Variants in SLC6A16 observed in about 807,000 individuals in gnomAD.
The protein encoded by SLC6A16 is orphan sodium- and chloride-dependent neurotransmitter transporter NTT5.
In SLC6A16, 54 loss-of-function variants were observed where a neutral mutation model predicts 65.4. That is an observed-to-expected ratio of 0.83 (90% CI 0.66 to 1.04). The LOEUF is 1.04. Among genes scored for constraint, SLC6A16 ranks in the 50% least tolerant of loss-of-function variants. The pLI is 0.00. For missense variants in SLC6A16, 816 were observed against 914.0 expected (o/e 0.89, Z 1.38); for synonymous variants, 330 against 346.5 (o/e 0.95, Z 0.53).
At chr19:49,337,906 C>T in the SLC6A16 span, 153 of 1,613,696 alleles carry the variant, frequency 9.5e-5, no homozygotes, top group Non-Finnish European at 1.2e-4. Context: ...AAGGCCCAGC[C>T]TCACTGGTGG....
At chr19:49,340,288 A>G in the SLC6A16 span, 1 of 1,613,366 alleles carries the variant, frequency 6.2e-7, no homozygotes, top group Non-Finnish European at 8.5e-7. Context: ...CTGTGCAGAA[A>G]CCTGGACCAC....
intron 1 of SLC6A16, among the ~76,000 whole-genome samples, chr19:49,324,004 T>C (rs1406668738): frequency 6.6e-6 from 1 of 152,068 alleles, no homozygotes; most frequent in Non-Finnish European, 1.5e-5. Flanking sequence ...GACTCCAGCC[T>C]GGGAGACAGA....
intron 11 of SLC6A16, 75 bp downstream of exon 11, chr19:49,290,530 G>T (rs537197356): frequency 4.9e-5 from 78 of 1,578,036 alleles, no homozygotes; most frequent in Non-Finnish European, 6.5e-5. Context: ...AGATGACTGG[G>T]TTCTTTCACC....
At chr19:49,331,402 G>A in the SLC6A16 span, among the ~76,000 whole-genome samples, 8 of 151,982 alleles carry the variant, frequency 5.3e-5, no homozygotes, top group African/African-American at 1.2e-4. Context: ...GGCTGGTCTC[G>A]AACTCCTGGG....
chr19:49,301,952 G>A (rs561184116), intron 7 of SLC6A16, among the ~76,000 whole-genome samples: 7 of 152,130 alleles, frequency 4.6e-5, no homozygotes, highest in Non-Finnish European at 8.8e-5. Context: ...CCAGCATCAC[G>A]TTTGCACCCT....
chr19:49,337,050 T>G, the SLC6A16 span: 1 of 1,613,050 alleles, frequency 6.2e-7, no homozygotes, highest in Admixed American at 1.7e-5. Flanking sequence ...GCACCATCCC[T>G]CTCCGTCCCT....
the SLC6A16 span, chr19:49,331,878 G>A: frequency 2.2e-6 from 1 of 455,532 alleles, no homozygotes; most frequent in African/African-American, 2.0e-5. Context: ...GCTGCAGTGA[G>A]CCGTGATTGC....
intron 7 of SLC6A16, among the ~76,000 whole-genome samples, chr19:49,298,709 A>G (rs1196773022): frequency 1.3e-5 from 2 of 152,210 alleles, no homozygotes; most frequent in African/African-American, 4.8e-5. Flanking sequence ...CAGGGTCTAT[A>G]TACCCAAAGG....
In SLC6A16 at chr19:49,310,435, C is replaced by A. The variant is rs1970496171; in HGVS notation, c.491G>T (p.Gly164Val). The A allele has an allele frequency of 6.2e-7, 1 of 1,614,012 alleles. No individual in the cohort carries two copies. Among genetic ancestry groups the A allele is most frequent in the Non-Finnish European group, 8.5e-7 (1 of 1,180,014 alleles). ...CATGCCACCCTGACGCATGCTCTGA[C>A]CAGCTGCCATCTCCAGGAAGAGAAG... ...VPLLFLEMAA[G>V]QSMRQGGMGV... The change falls in exon 3 of 12, where the codon GGT (glycine) becomes GTT (valine). Residue 164 changes from glycine (G) to valine (V), a missense_variant. Transcript: ENST00000335875.
At chr19:49,328,159 G>T (rs1600661116), upstream of SLC6A16, among the ~76,000 whole-genome samples, 2 of 152,152 alleles carry the variant, frequency 1.3e-5, no homozygotes, top group South Asian at 4.1e-4. Flanking sequence ...CTCAAGACTG[G>T]GTAATTTACG....
the SLC6A16 span, chr19:49,338,171 C>T: frequency 7.6e-6 from 11 of 1,451,818 alleles, no homozygotes; most frequent in Non-Finnish European, 9.1e-6. The surrounding 1 kb of genome is among the most constrained non-coding windows in gnomAD (Gnocchi z 5.0). Flanking sequence ...ACGCTCCCCA[C>T]TCCCCAGATG....
At chr19:49,303,979 A>C (rs967235752) in intron 7 of SLC6A16, among the ~76,000 whole-genome samples, 6 of 152,204 alleles carry the variant, frequency 3.9e-5, no homozygotes, top group Admixed American at 1.3e-4. Context: ...TACCCCCTTC[A>C]AATGTCCCTT....
chr19:49,297,021 A>G (rs184174340), intron 7 of SLC6A16, among the ~76,000 whole-genome samples: 58 of 152,230 alleles, frequency 3.8e-4, no homozygotes, highest in Non-Finnish European at 7.5e-4. Context: ...ACTTTGAGGT[A>G]AACAGAACTG....
chr19:49,311,903 G>A lies in SLC6A16; in HGVS notation c.-64-492C>T, dbSNP rs17402536. Among the ~76,000 whole-genome samples the A allele has an allele frequency of 8.5e-3, 1,278 of 149,768 alleles. 18 individuals are homozygous for A. The highest frequency in any genetic ancestry group is 0.029 in the African/African-American group (1,193 of 40,872). On this transcript the variant is annotated intron_variant, in intron 1 of 11. Coordinates refer to ENST00000335875, the MANE Select transcript of SLC6A16 (RefSeq NM_014037.3). ...TTTTCTTGTACAGGATAGGGATAGAGACAGACATACCCAAGAGTCAGGAAT... is the reference window on the plus strand; with the variant it reads ...TTTTCTTGTACAGGATAGGGATAGAAACAGACATACCCAAGAGTCAGGAAT...
the SLC6A16 span, chr19:49,337,197 C>G: frequency 6.2e-7 from 1 of 1,614,194 alleles, no homozygotes. Context: ...CCCTGGGAAT[C>G]CTCATCTCCA....
intron 7 of SLC6A16, among the ~76,000 whole-genome samples, chr19:49,304,127 A>C (rs1568530024): frequency 6.6e-6 from 1 of 152,244 alleles, no homozygotes; most frequent in East Asian, 1.9e-4. Flanking sequence ...TGAATGATTG[A>C]TCAGTGATGC....
chr19:49,311,980 G>A (rs1364605656), intron 1 of SLC6A16, among the ~76,000 whole-genome samples: 6 of 148,650 alleles, frequency 4.0e-5, no homozygotes, highest in African/African-American at 7.4e-5. Flanking sequence ...GGGTTCAAGC[G>A]ATTCTCCTGA....
the SLC6A16 span, among the ~76,000 whole-genome samples, chr19:49,339,104 G>C: frequency 6.6e-6 from 1 of 152,228 alleles, no homozygotes; most frequent in Middle Eastern, 3.4e-3. This position sits in a 1 kb window ranked among gnomAD's most constrained non-coding sequence, Gnocchi z 4.5. Flanking sequence ...AGGAAGGGCA[G>C]GGCCTAAAGA....
the SLC6A16 span, chr19:49,336,029 G>T: frequency 1.8e-6 from 1 of 548,648 alleles, no homozygotes; most frequent in East Asian, 3.0e-5. Context: ...ACTTGTGGCT[G>T]GTCAGATGCC....
Sources: gnomAD v4.1 joint callset for allele counts (sites outside exome capture counted in the v4.1 genomes callset) on GRCh38, gnomAD v4.1.1 for gene constraint, Gnocchi (gnomAD v3.1) non-coding constraint, MANE v1.5 for transcripts, NCBI Gene and HGNC (gene_info 2026-07-23, HGNC 2026-07-21) for gene names.